TTC7A: variants seen among roughly 807,000 people sequenced by gnomAD.
TTC7A encodes the protein tetratricopeptide repeat domain 7A.
A neutral mutation model predicts 103.7 loss-of-function variants in TTC7A; 110 were observed. The observed-to-expected ratio is 1.06, with a 90% CI of 0.91 to 1.24. The LOEUF (loss-of-function observed/expected upper bound fraction) is 1.24. Ranked by LOEUF, TTC7A falls within the 50% of genes most tolerant of loss-of-function variation. TTC7A has a pLI of 0.00. For missense variants in TTC7A, 1,340 were observed against 1,116.3 expected (o/e 1.20, Z -2.86); for synonymous variants, 521 against 467.9 (o/e 1.11, Z -1.47).
At chr2:46,949,568 G>A (rs1200980551) in intron 1 of TTC7A, among the ~76,000 whole-genome samples, 2 of 152,168 alleles carry the variant, frequency 1.3e-5, no homozygotes, top group African/African-American at 4.8e-5. Flanking sequence ...CAGGTGGTGA[G>A]GGATGCAAAT....
intron 19 of TTC7A, among the ~76,000 whole-genome samples, chr2:47,071,444 C>CCT (rs1291198200): frequency 6.6e-6 from 1 of 152,174 alleles, no homozygotes; most frequent in Non-Finnish European, 1.5e-5. Flanking sequence ...CTGGAAGGAC[C>CCT]CTCTGCTCAT....
intron 1 of TTC7A, among the ~76,000 whole-genome samples, chr2:46,943,680 G>A (rs1315375993): frequency 6.6e-6 from 1 of 152,206 alleles, no homozygotes; most frequent in Non-Finnish European, 1.5e-5. Flanking sequence ...TCAAGGGATT[G>A]AGAGCTTGTT....
Position 47,024,284 on chromosome 2 carries a change from C to T in TTC7A, c.1569-3C>T. On this transcript the variant is annotated splice_region_variant and splice_polypyrimidine_tract_variant and intron_variant, in intron 13 of 19. Coordinates refer to ENST00000319190, the MANE Select transcript of TTC7A (RefSeq NM_020458.4). ...TGACTTGTCACTCCCTCTCCCCACA[C>T]AGGGCTCAGCAGCTGGCGCCCAGTG... is the stretch of plus-strand genomic sequence containing the variant. 1 of 1,597,806 alleles carries T rather than the reference C, an allele frequency of 6.3e-7. No individual in the cohort carries two copies. Among genetic ancestry groups the T allele is most frequent in the South Asian group, 1.1e-5 (1 of 89,118 alleles).
At chr2:47,068,884 A>G (rs894141446) in intron 19 of TTC7A, among the ~76,000 whole-genome samples, 3 of 33,670 alleles carry the variant, frequency 8.9e-5, no homozygotes, top group African/African-American at 2.2e-4. Flanking sequence ...AAAAAAAAAA[A>G]AAAGAAAGAC....
intron 10 of TTC7A, 84 bp downstream of exon 10, chr2:47,006,808 G>A: frequency 9.0e-7 from 1 of 1,107,626 alleles, no homozygotes; most frequent in East Asian, 2.4e-5. Context: ...TCTGGCCAGG[G>A]GAGTGGGTGG....
intron 3 of TTC7A, 185 bp from the exon 4 acceptor site, chr2:46,974,788 A>T: frequency 2.7e-6 from 2 of 745,888 alleles, no homozygotes; most frequent in Non-Finnish European, 4.4e-6. Context: ...CCCATCGCTT[A>T]CTCCCAGCCA....
chr2:46,935,414 A>C (rs182682338), intron 2 of TTC7A, among the ~76,000 whole-genome samples: 69 of 151,982 alleles, frequency 4.5e-4, no homozygotes, highest in Non-Finnish European at 7.7e-4. Context: ...GAGCTTAAGC[A>C]AAAAAAATAA....
Position 47,025,922 on chromosome 2 carries a change from C to T in TTC7A, c.1641+1563C>T, listed in dbSNP as rs946658110. On this transcript the variant is annotated intron_variant, in intron 14 of 19. Coordinates refer to ENST00000319190, the MANE Select transcript of TTC7A (RefSeq NM_020458.4). ...GAATACCAACTTTATTTTTAGTTCC[C>T]TGTAAAAGAACCAGTGCTTTTCTTG... is the stretch of plus-strand genomic sequence containing the variant. 3.3e-5 allele frequency among the ~76,000 whole-genome samples: 5 copies of T among 152,348 alleles called. 1 individual carries two copies. The highest frequency in any genetic ancestry group is 1.2e-4 in the African/African-American group (5 of 41,590).
intron 14 of TTC7A, among the ~76,000 whole-genome samples, chr2:47,026,955 A>T (rs1363431229): frequency 1.3e-5 from 2 of 152,148 alleles, no homozygotes; most frequent in South Asian, 2.1e-4. Context: ...TCAGCCACAC[A>T]TCAGATTCTT....
chr2:46,917,197 T>C, exon 2 of TTC7A: 1 of 701,208 alleles, frequency 1.4e-6, no homozygotes, highest in Non-Finnish European at 2.6e-6. Flanking sequence ...AGAGTCTCCA[T>C]GGTGCCCAGC....
chr2:46,989,033 A>C (rs1553380959), intron 5 of TTC7A, among the ~76,000 whole-genome samples: 1 of 152,184 alleles, frequency 6.6e-6, no homozygotes, highest in Non-Finnish European at 1.5e-5. Flanking sequence ...CCTCATTAGA[A>C]GCTGCACGGA....
chr2:47,017,940 A>G (rs1353830207), intron 11 of TTC7A, among the ~76,000 whole-genome samples: 2 of 152,202 alleles, frequency 1.3e-5, no homozygotes, highest in Non-Finnish European at 1.5e-5. Context: ...ATATGGATAT[A>G]TATATATTAG....
In TTC7A at chr2:47,045,815, G is replaced by A. The variant is rs1398322308; in HGVS notation, c.1803-500G>A. On this transcript the variant is annotated intron_variant, in intron 15 of 19. Transcript: ENST00000319190. ...TGGGAAGTGGAGCTCTGTCCTTAGG[G>A]GACCTCCTTGCCAGTTCCTTGCTCT... Among the ~76,000 whole-genome samples, 6 of 152,306 alleles carry A rather than the reference G, an allele frequency of 3.9e-5. No individual in the cohort carries two copies. The East Asian group carries it at 1.2e-3, about 29-fold the overall frequency.
chr2:47,001,482 G>A (rs1460775432), intron 8 of TTC7A, among the ~76,000 whole-genome samples: 1 of 152,172 alleles, frequency 6.6e-6, no homozygotes, highest in Admixed American at 6.5e-5. Flanking sequence ...GCAGAGGGTG[G>A]GGGGTGGTCA....
At position 47,011,268 on chromosome 2, in the gene TTC7A, C is replaced by CAA. The variant is rs1678013149; in HGVS notation, c.1288-62_1288-61insAA. 2.7e-6 allele frequency: 4 copies of CAA among 1,478,144 alleles called. No individual in the cohort carries two copies. In the African/African-American group the frequency reaches 5.5e-5, roughly 20 times the overall value. The allele number at this position is 1,478,144 out of a possible 1,614,324, so 91.6% of individuals were successfully genotyped here. ...GCTTGGTTGTTTGGGAAGCTCGCCC[C>CAA]ACTGTGGGCCCTTGAGATCCAGGAC... On this transcript the variant is annotated intron_variant, in intron 10 of 19. Transcript: ENST00000319190.
rs112439914 is a variant in TTC7A, at chr2:47,051,948, C to G, written c.2152+68C>G. 2.8e-5 allele frequency: 42 copies of G among 1,526,236 alleles called. No homozygotes were observed. In the African/African-American group the frequency reaches 4.9e-4, roughly 18 times the overall value. The allele number at this position is 1,526,236 out of a possible 1,614,324, so 94.5% of individuals were successfully genotyped here. Reference sequence around the variant, plus strand: ...GCCACCCATGCTCTCAGAGCCCTGTCCTGGAGAAGGGAGTGTGGGGAGGTG... The same window carrying G: ...GCCACCCATGCTCTCAGAGCCCTGTGCTGGAGAAGGGAGTGTGGGGAGGTG... On this transcript the variant is annotated intron_variant, in intron 18 of 19. Coordinates refer to ENST00000319190, the MANE Select transcript of TTC7A (RefSeq NM_020458.4).
At position 46,963,915 on chromosome 2, in the gene TTC7A, G is replaced by C. The variant is rs139702848; in HGVS notation, c.517+6908G>C. ...TGCCCAGCACCTAGGATACTGGGCTGGTGTCAGGGGTGGGATTTCCCCCAC... is the reference window on the plus strand; with the variant it reads ...TGCCCAGCACCTAGGATACTGGGCTCGTGTCAGGGGTGGGATTTCCCCCAC... On this transcript the variant is annotated intron_variant, in intron 3 of 19. Coordinates refer to ENST00000319190, the MANE Select transcript of TTC7A (RefSeq NM_020458.4). Among the ~76,000 whole-genome samples the C allele has an allele frequency of 1.9e-3, 288 of 152,262 alleles. 1 individual carries two copies. The highest frequency in any genetic ancestry group is 6.8e-3 in the Middle Eastern group (2 of 294).
intron 14 of TTC7A, among the ~76,000 whole-genome samples, chr2:47,026,288 C>A (rs1002983161): frequency 6.6e-6 from 1 of 152,246 alleles, no homozygotes; most frequent in Non-Finnish European, 1.5e-5. Flanking sequence ...TCTGCTCTAG[C>A]AGAGTCACCA....
intron 8 of TTC7A, among the ~76,000 whole-genome samples, chr2:46,998,300 C>T (rs1384280524): frequency 6.6e-6 from 1 of 152,142 alleles, no homozygotes; most frequent in Non-Finnish European, 1.5e-5. Flanking sequence ...AGTGACCTTT[C>T]CCCCGGCTGC....
Sources: allele counts gnomAD v4.1 joint callset (sites outside exome capture counted in the v4.1 genomes callset), GRCh38; gene constraint gnomAD v4.1.1; transcripts MANE v1.5; gene names NCBI Gene and HGNC (gene_info 2026-07-23, HGNC 2026-07-21).